The following TRAM2 variants were observed in gnomAD, a reference collection of about 807,000 sequenced individuals.
The protein encoded by TRAM2 is translocation associated membrane protein 2.
In TRAM2, 12 loss-of-function variants were observed where a neutral mutation model predicts 51.0. The ratio of observed to expected loss-of-function variants is 0.24; its 90% CI spans 0.15 to 0.38. The LOEUF is 0.38. Ranked by LOEUF, TRAM2 falls within the 10% of genes least tolerant of loss-of-function variation. The pLI, the probability that TRAM2 is intolerant of heterozygous loss-of-function variation, is 1.00. For missense variants in TRAM2, 361 were observed against 462.0 expected (o/e 0.78, Z 2.00); for synonymous variants, 175 against 179.4 (o/e 0.98, Z 0.20).
rs1391683529 is a variant in TRAM2, at chr6:52,576,838, G to A, written c.78C>T (p.Gly26=). ...EFVIHNHADI[G]FCLVLCVLIG... ...TGAGGACGCAGAGCACCAGGCAGAA[G>A]CCGATGTCCGCATGGTTGTGGATGA... is the stretch of plus-strand genomic sequence containing the variant. Residue 26 remains glycine (G), a synonymous_variant, in exon 1 of 11, where the codon GGC becomes GGT. Transcript: ENST00000182527. 6.2e-7 allele frequency: 1 copy of A among 1,613,940 alleles called. No individual in the cohort carries two copies. The highest frequency in any genetic ancestry group is 8.5e-7 in the Non-Finnish European group (1 of 1,179,866).
intron 1 of TRAM2, among the ~76,000 whole-genome samples, chr6:52,538,462 C>A (rs1767013266): frequency 6.6e-6 from 1 of 152,178 alleles, no homozygotes; most frequent in Non-Finnish European, 1.5e-5. Flanking sequence ...ACCGGACACC[C>A]TGCCCTGGGC....
In TRAM2 at chr6:52,505,756, C is replaced by T; in HGVS notation, c.732-14G>A. The T allele has an allele frequency of 1.9e-6, 3 of 1,594,194 alleles. No homozygotes were observed. Among genetic ancestry groups the T allele is most frequent in the Non-Finnish European group, 2.6e-6 (3 of 1,168,898 alleles). On this transcript the variant is annotated splice_polypyrimidine_tract_variant and intron_variant, in intron 8 of 10. Coordinates refer to ENST00000182527, the MANE Select transcript of TRAM2 (RefSeq NM_012288.4). ...CAGGCACTGAACCTGCTCACAGAGG[C>T]AGAAGAGGGATGTCAGTCTTTAGCG...
chr6:52,508,553 G>C (rs9474236), intron 5 of TRAM2, among the ~76,000 whole-genome samples: 1,929 of 152,322 alleles, frequency 0.013, 48 homozygotes, highest in African/African-American at 0.044. Context: ...AAAGTCCACA[G>C]AAAGAAACAA....
Position 52,502,876 on chromosome 6 carries a change from A to C in TRAM2, c.*321T>G. On this transcript the variant is annotated 3_prime_UTR_variant, in exon 11 of 11. Coordinates refer to ENST00000182527, the MANE Select transcript of TRAM2 (RefSeq NM_012288.4). The stretch of plus-strand genomic sequence containing the variant: ...AAGGAAAAGCAGCAGCCATAAGGCA[A>C]GAGACAGAGCAAGCAGAAAGGTGCC... The C allele has an allele frequency of 2.9e-6, 1 of 350,302 alleles. No homozygotes were observed. The highest frequency in any genetic ancestry group is 5.8e-5 in the South Asian group (1 of 17,224). The allele number at this position is 350,302 out of a possible 1,614,324, so 21.7% of individuals were successfully genotyped here.
chr6:52,534,501 C>A (rs903525972), intron 2 of TRAM2, among the ~76,000 whole-genome samples: 3 of 152,154 alleles, frequency 2.0e-5, no homozygotes, highest in Admixed American at 6.5e-5. Flanking sequence ...GAGAAAGGAG[C>A]GATACTCTGG....
At chr6:52,531,478 T>A (rs985133527) in intron 2 of TRAM2, among the ~76,000 whole-genome samples, 3 of 152,238 alleles carry the variant, frequency 2.0e-5, no homozygotes, top group African/African-American at 7.2e-5. Context: ...AGCATGTACT[T>A]CACTGTACCT....
chr6:52,553,181 C>G (rs1477323959), intron 1 of TRAM2, among the ~76,000 whole-genome samples: 4 of 152,284 alleles, frequency 2.6e-5, no homozygotes, highest in African/African-American at 7.2e-5. Flanking sequence ...CCTAATCCTC[C>G]CTGCCTCTCC....
At chr6:52,509,149 C>T (rs1297848794) in intron 5 of TRAM2, among the ~76,000 whole-genome samples, 1 of 152,190 alleles carries the variant, frequency 6.6e-6, no homozygotes, top group Non-Finnish European at 1.5e-5. Flanking sequence ...CTATATGAGG[C>T]AGAGGACACT....
intron 1 of TRAM2, among the ~76,000 whole-genome samples, chr6:52,540,335 G>A (rs563217101): frequency 7.2e-5 from 11 of 152,072 alleles, no homozygotes; most frequent in Non-Finnish European, 1.5e-4. Context: ...ATGTAAAATG[G>A]AAGCAGGAAA....
intron 1 of TRAM2, among the ~76,000 whole-genome samples, chr6:52,537,162 ACTT>A (rs1295511932): frequency 1.5e-4 from 23 of 152,270 alleles, no homozygotes; most frequent in African/African-American, 5.3e-4. Flanking sequence ...GCAGGACAAG[ACTT>A]CTCGTGTCTT....
chr6:52,575,022 C>T (rs1323578392), intron 1 of TRAM2, among the ~76,000 whole-genome samples: 1 of 152,136 alleles, frequency 6.6e-6, no homozygotes, highest in Admixed American at 6.5e-5. Flanking sequence ...ACTTGGAGGC[C>T]TCTTAGAATG....
At chr6:52,530,999 G>A (rs1357976716) in intron 2 of TRAM2, among the ~76,000 whole-genome samples, 1 of 151,642 alleles carries the variant, frequency 6.6e-6, no homozygotes, top group Non-Finnish European at 1.5e-5. Flanking sequence ...TGGAAATGAT[G>A]GACCCCCTTG....
chr6:52,515,447 T>C (rs1766529853), intron 4 of TRAM2, among the ~76,000 whole-genome samples: 1 of 152,224 alleles, frequency 6.6e-6, no homozygotes. Context: ...GAAACGGCAT[T>C]GACTCTCACA....
At position 52,508,329 on chromosome 6, in the gene TRAM2, G is replaced by A; in HGVS notation, c.471-11C>T. 3.1e-6 allele frequency: 5 copies of A among 1,613,170 alleles called. No individual in the cohort carries two copies. The South Asian group carries it at 5.5e-5, about 18-fold the overall frequency. ...AACTTCACCTGGAAGCTGGAGACAA[G>A]GGGGCAAGTCACACGGGCAGGATAG... On this transcript the variant is annotated splice_polypyrimidine_tract_variant and intron_variant, in intron 5 of 10. Coordinates refer to ENST00000182527, the MANE Select transcript of TRAM2 (RefSeq NM_012288.4).
chr6:52,555,326 C>T (rs1416723634), intron 1 of TRAM2, among the ~76,000 whole-genome samples: 1 of 149,436 alleles, frequency 6.7e-6, no homozygotes, highest in African/African-American at 2.4e-5. Context: ...TATCACTAAT[C>T]CAAACTTTCT....
At chr6:52,566,487 A>T (rs2268709) in intron 1 of TRAM2, among the ~76,000 whole-genome samples, 63,123 of 151,642 alleles carry the variant, frequency 0.42, 13,249 homozygotes, top group Admixed American at 0.56. Flanking sequence ...CTAATCTCTC[A>T]TCTCATCCCC....
intron 2 of TRAM2, 73 bp from the exon 3 acceptor site, chr6:52,516,810 G>A (rs1766559307): frequency 8.5e-7 from 1 of 1,173,006 alleles, no homozygotes; most frequent in African/African-American, 1.5e-5. Flanking sequence ...ACTGAAATGA[G>A]ATGGGAGGCG....
At chr6:52,534,084 CAAAA>C (rs34466348) in intron 2 of TRAM2, among the ~76,000 whole-genome samples, 2 of 132,252 alleles carry the variant, frequency 1.5e-5, no homozygotes, top group Non-Finnish European at 1.6e-5. Flanking sequence ...AAACTCCGTC[CAAAA>C]AAAAAAAAAA....
At chr6:52,570,795 A>C (rs59082260) in intron 1 of TRAM2, among the ~76,000 whole-genome samples, 12,034 of 63,576 alleles carry the variant, frequency 0.19, 51 homozygotes, top group African/African-American at 0.22. Flanking sequence ...CCTGCCCACC[A>C]CCCCCCCCCC....
Sources: allele counts gnomAD v4.1 joint callset (sites outside exome capture counted in the v4.1 genomes callset), GRCh38; gene constraint gnomAD v4.1.1; transcripts MANE v1.5; gene names NCBI Gene and HGNC (gene_info 2026-07-23, HGNC 2026-07-21).